FANCB: variants seen among roughly 807,000 people sequenced by gnomAD.
The protein encoded by FANCB is Fanconi anemia group B protein.
FANCB carries 5 observed loss-of-function variants against 38.9 expected under a neutral mutation model. The observed-to-expected ratio is 0.13, with a 90% CI of 0.07 to 0.27. FANCB has a LOEUF of 0.27. FANCB is among the 10% of genes least tolerant of loss of function. The pLI is 1.00. For missense variants in FANCB, 573 were observed against 602.7 expected (o/e 0.95, Z 0.52); for synonymous variants, 236 against 215.4 (o/e 1.10, Z -0.84).
chrX:14,766,901 G>A, the FANCB span, among the ~76,000 whole-genome samples: 1 of 110,926 alleles, frequency 9.0e-6, no homozygotes, highest in African/African-American at 3.3e-5. Context: ...GTGTCCACGT[G>A]TTCTTGTCAT....
the FANCB span, among the ~76,000 whole-genome samples, chrX:14,778,281 T>C: frequency 8.1e-5 from 9 of 111,589 alleles, no homozygotes; most frequent in African/African-American, 2.6e-4. Flanking sequence ...ATGATATTTC[T>C]GGTTTTCTTA....
At chrX:14,832,993 T>C (rs1457795898), downstream of FANCB, among the ~76,000 whole-genome samples, 2 of 112,400 alleles carry the variant, frequency 1.8e-5, no homozygotes, top group Non-Finnish European at 3.8e-5. Flanking sequence ...CATCTTCCCA[T>C]TGCTTCTGCG....
At chrX:14,707,783 C>T in the FANCB span, among the ~76,000 whole-genome samples, 255 of 105,453 alleles carry the variant, frequency 2.4e-3, no homozygotes, top group Middle Eastern at 4.8e-3. Context: ...TGCACGCGCG[C>T]GTGTTGCATG....
chrX:14,839,820 C>T (rs1227577393), downstream of FANCB, among the ~76,000 whole-genome samples: 1 of 110,235 alleles, frequency 9.1e-6, no homozygotes, highest in Non-Finnish European at 1.9e-5. Flanking sequence ...ATTTTAACTA[C>T]AAGTAATGGA....
chrX:14,809,341 T>G, the FANCB span, among the ~76,000 whole-genome samples: 1 of 112,240 alleles, frequency 8.9e-6, no homozygotes, highest in South Asian at 3.7e-4. Context: ...GGACAGTGGG[T>G]GCAGCGCACT....
the FANCB span, among the ~76,000 whole-genome samples, chrX:14,754,953 C>T: frequency 8.9e-5 from 10 of 111,733 alleles, no homozygotes; most frequent in African/African-American, 2.6e-4. Context: ...CAACAAAATA[C>T]TAGCAAACCA....
At chrX:14,753,941 A>G in the FANCB span, among the ~76,000 whole-genome samples, 1 of 112,596 alleles carries the variant, frequency 8.9e-6, no homozygotes, top group African/African-American at 3.2e-5. Flanking sequence ...AAGAATATGC[A>G]CAGGATCTGA....
chrX:14,853,649 G>A (rs1217457213), intron 5 of FANCB, among the ~76,000 whole-genome samples: 1 of 111,861 alleles, frequency 8.9e-6, no homozygotes, highest in Non-Finnish European at 1.9e-5. Flanking sequence ...AACCTTCATA[G>A]CAAAATTTTT....
At chrX:14,842,264 T>C (rs1398549662), downstream of FANCB, among the ~76,000 whole-genome samples, 2 of 111,906 alleles carry the variant, frequency 1.8e-5, no homozygotes, top group Non-Finnish European at 3.8e-5. Context: ...CCTTATTATA[T>C]GGACCATCAT....
chrX:14,799,898 T>A, the FANCB span, among the ~76,000 whole-genome samples: 1 of 112,127 alleles, frequency 8.9e-6, no homozygotes, highest in African/African-American at 3.2e-5. Context: ...AACTTGGATA[T>A]CTAACTGAGG....
At position 14,854,326 on chromosome X, in the gene FANCB, T is replaced by C. The variant is rs151261645; in HGVS notation, c.1198-1159A>G. Among the ~76,000 whole-genome samples, 603 of 111,119 alleles carry C rather than the reference T, an allele frequency of 5.4e-3. 3 individuals carry two copies. The highest frequency in any genetic ancestry group is 9.3e-3 in the Non-Finnish European group (491 of 52,994). On this transcript the variant is annotated intron_variant, in intron 5 of 9. Transcript: ENST00000650831. The stretch of plus-strand genomic sequence containing the variant: ...GCAGATTGAAATGCACCCTCGAAAA[T>C]TGTCAGTGTTCACTCTTCCTTCCTC...
the FANCB span, among the ~76,000 whole-genome samples, chrX:14,827,149 A>G: frequency 2.7e-5 from 3 of 111,931 alleles, no homozygotes; most frequent in Admixed American, 2.9e-4. Flanking sequence ...ATATTTTAAT[A>G]TCCAGCACAG....
the FANCB span, among the ~76,000 whole-genome samples, chrX:14,813,812 T>A: frequency 9.0e-6 from 1 of 111,640 alleles, no homozygotes; most frequent in African/African-American, 3.3e-5. Context: ...CTTCACAGAA[T>A]TGGAAAAAAC....
chrX:14,795,729 T>C, the FANCB span, among the ~76,000 whole-genome samples: 1 of 111,777 alleles, frequency 8.9e-6, no homozygotes, highest in African/African-American at 3.3e-5. Flanking sequence ...TTTAGAACAA[T>C]ATTATGTCCC....
At chrX:14,780,591 G>A in the FANCB span, among the ~76,000 whole-genome samples, 1 of 110,372 alleles carries the variant, frequency 9.1e-6, no homozygotes, top group Non-Finnish European at 1.9e-5. Context: ...CCTAGATCAG[G>A]GGCCAGCAGA....
Position 14,844,945 on chromosome X carries a change from C to G in FANCB, c.1838G>C (p.Arg613Pro), listed in dbSNP as rs144764663. 5.0e-6 allele frequency: 6 copies of G among 1,200,628 alleles called. No individual in the cohort carries two copies. In the African/African-American group the frequency reaches 8.8e-5, roughly 18 times the overall value. The change falls in exon 8 of 10, where the codon CGT becomes CCT. Residue 613 changes from arginine to proline, a missense_variant. Coordinates refer to ENST00000650831, the MANE Select transcript of FANCB (RefSeq NM_001018113.3). ...AAAAACTCTGCCACACACAACATAACGATCTTTAGGACAGTTACCACTTTC... is the reference window on the plus strand; with the variant it reads ...AAAAACTCTGCCACACACAACATAAGGATCTTTAGGACAGTTACCACTTTC... ...ERESGNCPKDRYVVCGRVFLS... is the reference protein window; with the variant it reads ...ERESGNCPKDPYVVCGRVFLS...
chrX:14,826,373 A>AT, the FANCB span, among the ~76,000 whole-genome samples: 1 of 112,008 alleles, frequency 8.9e-6, no homozygotes, highest in African/African-American at 3.2e-5. Flanking sequence ...GTTACTTTGG[A>AT]ATAATTCTCC....
At chrX:14,730,891 TACACACACACACACACACACACACAC>T in the FANCB span, 253 of 97,818 alleles carry the variant, frequency 2.6e-3, no homozygotes, top group Middle Eastern at 8.4e-3. Flanking sequence ...AAGTTAGCTA[TACACACACACACACACACACACACAC>T]ACACACACAC....
the FANCB span, among the ~76,000 whole-genome samples, chrX:14,800,562 G>A: frequency 9.0e-6 from 1 of 111,542 alleles, no homozygotes; most frequent in African/African-American, 3.3e-5. Flanking sequence ...TTTAAACCAC[G>A]CAGTTTGTGG....
Sources: gnomAD v4.1 joint callset for allele counts (sites outside exome capture counted in the v4.1 genomes callset) on GRCh38, gnomAD v4.1.1 for gene constraint, MANE v1.5 for transcripts, NCBI Gene and HGNC (gene_info 2026-07-23, HGNC 2026-07-21) for gene names.